The following MCRIP2 variants were observed in gnomAD, a reference collection of about 807,000 sequenced individuals.
MCRIP2 encodes the protein MAPK regulated co-repressor interacting protein 2.
In MCRIP2, 21 loss-of-function variants were observed where a neutral mutation model predicts 23.2. That is an observed-to-expected ratio of 0.90 (90% CI 0.64 to 1.30). The LOEUF is 1.30. Ranked by LOEUF, MCRIP2 falls within the 50% of genes most tolerant of loss-of-function variation. MCRIP2 has a pLI of 0.00. For missense variants in MCRIP2, 234 were observed against 223.2 expected (o/e 1.05, Z -0.31); for synonymous variants, 121 against 100.2 (o/e 1.21, Z -1.24).
At chr16:647,301 C>T (rs950317957) in intron 2 of MCRIP2, 116 bp from the exon 3 acceptor site, 62 of 1,474,284 alleles carry the variant, frequency 4.2e-5, no homozygotes, top group Non-Finnish European at 4.3e-5. Flanking sequence ...TCAGGAAGTG[C>T]CTAGGCTGGC....
At position 647,655 on chromosome 16, in the gene MCRIP2, C is replaced by T. The variant is rs2037522550; in HGVS notation, c.310+111C>T. The T allele has an allele frequency of 6.5e-6, 10 of 1,537,202 alleles. No homozygotes were observed. The South Asian group carries it at 1.1e-4, about 16-fold the overall frequency. On this transcript the variant is annotated intron_variant, in intron 3 of 4. Coordinates refer to ENST00000307650, the MANE Select transcript of MCRIP2 (RefSeq NM_138418.4). The stretch of plus-strand genomic sequence containing the variant: ...CAGCCGCTGCATGGCTGTGCTTTTC[C>T]TTGGCACTCTGCCCTTGTGTCCTGT...
At position 647,497 on chromosome 16, in the gene MCRIP2, A is replaced by C; in HGVS notation, c.263A>C (p.Glu88Ala). ...STSPSFEGTQ[E>A]TYTVAHEENV... ...TCCCCATCCTTCGAGGGGACCCAGG[A>C]GACCTACACAGTGGCCCACGAGGAG... The change falls in exon 3 of 5, where the codon GAG becomes GCG. Residue 88 changes from glutamate (E) to alanine (A), a missense_variant. Glu to Ala is a moderately radical substitution (Grantham distance 107, BLOSUM62 -1). Coordinates refer to ENST00000307650, the MANE Select transcript of MCRIP2 (RefSeq NM_138418.4). 5 of 1,613,382 alleles carry C rather than the reference A, an allele frequency of 3.1e-6. No individual in the cohort carries two copies. Among genetic ancestry groups the C allele is most frequent in the Non-Finnish European group, 4.2e-6 (5 of 1,179,976 alleles).
chr16:644,872 T>C (rs2037437842), intron 2 of MCRIP2, among the ~76,000 whole-genome samples: 1 of 152,100 alleles, frequency 6.6e-6, no homozygotes, highest in South Asian at 2.1e-4. Context: ...TCACCCATGA[T>C]GTATGCTGGC....
At position 648,463 on chromosome 16, in the gene MCRIP2, G is replaced by A. The variant is rs1224805712; in HGVS notation, c.*273G>A. The A allele has an allele frequency of 1.9e-5, 10 of 520,306 alleles. No homozygotes were observed. Among genetic ancestry groups the A allele is most frequent in the South Asian group, 1.9e-4 (8 of 43,038 alleles). The allele number at this position is 520,306 out of a possible 1,614,324, so 32.2% of individuals were successfully genotyped here. ...GGGAGGAGCTCCAGGCTAATAAAGT[G>A]GAGAAACTGTCTTTTTGGAGTGTCT... is the stretch of plus-strand genomic sequence containing the variant. On this transcript the variant is annotated 3_prime_UTR_variant, in exon 5 of 5. Coordinates refer to ENST00000307650, the MANE Select transcript of MCRIP2 (RefSeq NM_138418.4).
At chr16:648,013 C>A in intron 4 of MCRIP2, 107 bp from the exon 5 acceptor site, 3 of 1,256,108 alleles carry the variant, frequency 2.4e-6, no homozygotes, top group Non-Finnish European at 3.3e-6. Flanking sequence ...TTCTTCCCAG[C>A]GCCTGCCGCA....
chr16:647,959 C>T, intron 4 of MCRIP2, 75 bp downstream of exon 4: 1 of 1,147,414 alleles, frequency 8.7e-7, no homozygotes, highest in South Asian at 1.4e-5. Context: ...CTGCCAGGTT[C>T]CCACCCCAGG....
In MCRIP2 at chr16:647,917, A is replaced by AC. The variant is rs1392468052; in HGVS notation, c.412+39dup. ...CCCCAACCCTGTCCCCCCAGGAGAGACCCCCCAGCCCCTCTGATCCTGACC... is the reference window on the plus strand; with the variant it reads ...CCCCAACCCTGTCCCCCCAGGAGAGACCCCCCCAGCCCCTCTGATCCTGACC... On this transcript the variant is annotated intron_variant, in intron 4 of 4. Coordinates refer to ENST00000307650, the MANE Select transcript of MCRIP2 (RefSeq NM_138418.4). The AC allele has an allele frequency of 3.2e-5, 32 of 984,808 alleles. No individual in the cohort carries two copies. The Admixed American group carries it at 4.8e-4, about 15-fold the overall frequency. 61.0% of individuals were successfully genotyped at this position (984,808 alleles called of 1,614,324 possible).
chr16:647,236 G>A, intron 2 of MCRIP2, 181 bp from the exon 3 acceptor site: 1 of 716,122 alleles, frequency 1.4e-6, no homozygotes. Flanking sequence ...GATGGCTTGG[G>A]GACTGCAAGA....
intron 2 of MCRIP2, chr16:643,041 G>GT (rs1385214319): frequency 6.6e-6 from 1 of 152,526 alleles, no homozygotes; most frequent in African/African-American, 2.4e-5. Context: ...GCAGCTACAG[G>GT]TGGGGGGGTG....
At position 648,129 on chromosome 16, in the gene MCRIP2, C is replaced by G; in HGVS notation, c.422C>G (p.Pro141Arg). 6.2e-7 allele frequency: 1 copy of G among 1,606,934 alleles called. No individual in the cohort carries two copies. The highest frequency in any genetic ancestry group is 8.5e-7 in the Non-Finnish European group (1 of 1,176,238). Reference sequence around the variant, plus strand: ...CCTTCTCTGCCCACAGACTTTGTGCCCATTGACCTAGACGAGTGGTGGGCG... The same window carrying G: ...CCTTCTCTGCCCACAGACTTTGTGCGCATTGACCTAGACGAGTGGTGGGCG... ...TPNPRLQNFV[P>R]IDLDEWWAQQ... Residue 141 changes from proline (P) to arginine (R), a missense_variant, in exon 5 of 5, where the codon CCC becomes CGC. Physicochemically the swap from Pro to Arg is moderately radical, Grantham distance 103. Transcript: ENST00000307650.
rs913271400 is a variant in MCRIP2 at position 641,842 on chromosome 16, G to T, written c.-150G>T. 8 of 665,290 alleles carry T rather than the reference G, an allele frequency of 1.2e-5. No individual in the cohort carries two copies. The highest frequency in any genetic ancestry group is 4.5e-5 in the Admixed American group (1 of 22,008). The allele number at this position is 665,290 out of a possible 1,614,324, so 41.2% of individuals were successfully genotyped here. On this transcript the variant is annotated 5_prime_UTR_variant, in exon 1 of 5. Coordinates refer to ENST00000307650, the MANE Select transcript of MCRIP2 (RefSeq NM_138418.4). ...GCGCCGCCTCCGCCGCGTGTCCGGG[G>T]TCAGCCCGAGCCCGTGCGGGCCCTT...
Position 646,220 on chromosome 16 carries a change from A to G in MCRIP2, c.183-1197A>G, listed in dbSNP as rs1041904353. ...TGTCTTCTTAGACATTGATAATCCA[A>G]CCTCCAAGCTTTCTTGGAGTTTCTG... On this transcript the variant is annotated intron_variant, in intron 2 of 4. Coordinates refer to ENST00000307650, the MANE Select transcript of MCRIP2 (RefSeq NM_138418.4). This position sits in a 1 kb window ranked among gnomAD's most constrained non-coding sequence, Gnocchi z 6.5. 6.6e-6 allele frequency: 1 copy of G among 152,086 alleles called. No individual in the cohort carries two copies. The highest frequency in any genetic ancestry group is 1.5e-5 in the Non-Finnish European group (1 of 67,998). The allele number at this position is 152,086 out of a possible 1,614,324, so 9.4% of individuals were successfully genotyped here. A position where few individuals can be genotyped will look rare whatever the true frequency, so the allele number is the denominator to read the frequency against.
rs2037345043 is a variant in MCRIP2, at chr16:641,886, A to G, written c.-106A>G. 3 of 1,031,744 alleles carry G rather than the reference A, an allele frequency of 2.9e-6. No individual in the cohort carries two copies. The highest frequency in any genetic ancestry group is 4.4e-5 in the Admixed American group (1 of 22,686). 63.9% of individuals were successfully genotyped at this position (1,031,744 alleles called of 1,614,324 possible). On this transcript the variant is annotated 5_prime_UTR_variant, in exon 1 of 5. Coordinates refer to ENST00000307650, the MANE Select transcript of MCRIP2 (RefSeq NM_138418.4). ...GGCCCTTTAAGGGCCGGGGGCGTGTAGCGGGCCCGCCCCCTCCCCGCGGCG... is the reference window on the plus strand; with the variant it reads ...GGCCCTTTAAGGGCCGGGGGCGTGTGGCGGGCCCGCCCCCTCCCCGCGGCG...
rs561328460 is a variant in MCRIP2 at position 646,350 on chromosome 16, G to A, written c.183-1067G>A. 2 of 152,204 alleles carry A rather than the reference G, an allele frequency of 1.3e-5. No individual in the cohort carries two copies. Among genetic ancestry groups the A allele is most frequent in the Non-Finnish European group, 2.9e-5 (2 of 68,044 alleles). The allele number at this position is 152,204 out of a possible 1,614,324, so 9.4% of individuals were successfully genotyped here. A position where few individuals can be genotyped will look rare whatever the true frequency, so the allele number is the denominator to read the frequency against. ...ACTCAGGCAGCGGGCAGGCCTGGGAGGTGCCCCTGCCCCTGTCCCATCTCC... is the reference window on the plus strand; with the variant it reads ...ACTCAGGCAGCGGGCAGGCCTGGGAAGTGCCCCTGCCCCTGTCCCATCTCC... On this transcript the variant is annotated intron_variant, in intron 2 of 4. Transcript: ENST00000307650. The surrounding 1 kb of genome is among the most constrained non-coding windows in gnomAD (Gnocchi z 6.5).
chr16:642,710 C>T (rs2037381175), intron 2 of MCRIP2: 1 of 152,424 alleles, frequency 6.6e-6, no homozygotes, highest in Admixed American at 6.5e-5. Flanking sequence ...GCCCTTCACC[C>T]CAGACACCCT....
At position 643,368 on chromosome 16, in the gene MCRIP2, C is replaced by T. The variant is rs372386787; in HGVS notation, c.182+1119C>T. Among the ~76,000 whole-genome samples, 5 of 152,182 alleles carry T rather than the reference C, an allele frequency of 3.3e-5. No homozygotes were observed. The East Asian group carries it at 9.7e-4, about 29-fold the overall frequency. On this transcript the variant is annotated intron_variant, in intron 2 of 4. Coordinates refer to ENST00000307650, the MANE Select transcript of MCRIP2 (RefSeq NM_138418.4). ...CCCAGGGTGACGCCGTCTCTCTTAA[C>T]CTGGGGAAACCACCTTTCTTCTCTC...
chr16:645,956 G>C (rs897227020), intron 2 of MCRIP2: 2 of 152,238 alleles, frequency 1.3e-5, no homozygotes, highest in African/African-American at 4.8e-5. Flanking sequence ...GAGGGGAGAG[G>C]AGAGGATGCA....
intron 2 of MCRIP2, 183 bp from the exon 3 acceptor site, chr16:647,234 G>T: frequency 1.4e-6 from 1 of 703,478 alleles, no homozygotes; most frequent in South Asian, 1.8e-5. Context: ...CCGATGGCTT[G>T]GGGACTGCAA....
In MCRIP2 at chr16:648,234, A is replaced by G; in HGVS notation, c.*44A>G. 2.5e-6 allele frequency: 4 copies of G among 1,568,892 alleles called. No homozygotes were observed. Among genetic ancestry groups the G allele is most frequent in the Non-Finnish European group, 3.5e-6 (4 of 1,153,348 alleles). ...GCTGCTACACGGCCGACCTGTCGCC[A>G]GGAGAGAAGCATGGCGCCCTGCCCA... On this transcript the variant is annotated 3_prime_UTR_variant, in exon 5 of 5. Coordinates refer to ENST00000307650, the MANE Select transcript of MCRIP2 (RefSeq NM_138418.4).
Sources: gnomAD v4.1 joint callset for allele counts (sites outside exome capture counted in the v4.1 genomes callset) on GRCh38, gnomAD v4.1.1 for gene constraint, Gnocchi (gnomAD v3.1) non-coding constraint, MANE v1.5 for transcripts, NCBI Gene and HGNC (gene_info 2026-07-23, HGNC 2026-07-21) for gene names.